The following PRDM16 variants were observed in gnomAD, a reference collection of about 807,000 sequenced individuals.
PRDM16 encodes the protein PR/SET domain 16.
In PRDM16, 23 loss-of-function variants were observed where a neutral mutation model predicts 110.6. The observed-to-expected ratio is 0.21, with a 90% CI of 0.15 to 0.29. The LOEUF (loss-of-function observed/expected upper bound fraction) is 0.29, where lower values mean the gene tolerates loss of function less well. Among genes scored for constraint, PRDM16 ranks in the 10% least tolerant of loss-of-function variants. PRDM16 has a pLI of 1.00. For synonymous variants in PRDM16, 799 were observed against 781.8 expected (o/e 1.02, Z -0.37); for missense variants, 1,615 against 1,794.3 (o/e 0.90, Z 1.81).
In PRDM16 at chr1:3,201,753, T is replaced by C. The variant is rs780510193; in HGVS notation, c.387+15279T>C. On this transcript the variant is annotated intron_variant, in intron 2 of 16. Transcript: ENST00000270722. This position sits in a 1 kb window ranked among gnomAD's most constrained non-coding sequence, Gnocchi z 4.1. ...CTTCAGCTGGAGCCGAGTAGGGTCG[T>C]GTCTGCCCCGCTTCCACGCGAGCCC... Among the ~76,000 whole-genome samples the C allele has an allele frequency of 2.0e-4, 31 of 152,238 alleles. No individual in the cohort carries two copies. Among genetic ancestry groups the C allele is most frequent in the Non-Finnish European group, 3.8e-4 (26 of 68,028 alleles).
rs1557675669 is a variant in PRDM16 at position 3,434,231 on chromosome 1, T to C, written c.*420T>C. On this transcript the variant is annotated 3_prime_UTR_variant, in exon 17 of 17. Coordinates refer to ENST00000270722, the MANE Select transcript of PRDM16 (RefSeq NM_022114.4). ...GAGATCACTCAAATGATTTTTATAA[T>C]GAAATGACAAGAATAACCCTTTTGG... 8.3e-6 allele frequency: 2 copies of C among 241,600 alleles called. No homozygotes were observed. Among genetic ancestry groups the C allele is most frequent in the Non-Finnish European group, 8.1e-6 (1 of 124,060 alleles). 15.0% of individuals were successfully genotyped at this position (241,600 alleles called of 1,614,324 possible).
chr1:3,242,894 C>G (rs574971319), intron 2 of PRDM16, among the ~76,000 whole-genome samples: 1 of 152,200 alleles, frequency 6.6e-6, no homozygotes, highest in Non-Finnish European at 1.5e-5. Flanking sequence ...TTTCCGTATA[C>G]TCGACCGTGC....
chr1:3,368,009 A>G (rs986637452), intron 3 of PRDM16, among the ~76,000 whole-genome samples: 11 of 152,254 alleles, frequency 7.2e-5, no homozygotes, highest in Non-Finnish European at 1.5e-5. Context: ...AGGAGGGGAC[A>G]GAGATGAAGG....
At chr1:3,304,756 G>GT (rs35799332) in intron 3 of PRDM16, among the ~76,000 whole-genome samples, 46,599 of 152,004 alleles carry the variant, frequency 0.31, 9,229 homozygotes, top group African/African-American at 0.57. Context: ...CCCTGCAGGG[G>GT]CCAATGCTCT....
intron 2 of PRDM16, among the ~76,000 whole-genome samples, chr1:3,234,632 C>T (rs1413278106): frequency 2.0e-5 from 3 of 152,232 alleles, no homozygotes; most frequent in Non-Finnish European, 4.4e-5. Context: ...CCGGGCCCCA[C>T]CGTGACTGTG....
chr1:3,173,282 G>C (rs944135873), intron 1 of PRDM16, among the ~76,000 whole-genome samples: 2 of 152,198 alleles, frequency 1.3e-5, no homozygotes, highest in Non-Finnish European at 2.9e-5. Context: ...AAACAAAGAG[G>C]CTTTTTACCC....
At chr1:3,100,312 G>A (rs1000262395) in intron 1 of PRDM16, among the ~76,000 whole-genome samples, 2 of 152,194 alleles carry the variant, frequency 1.3e-5, no homozygotes, top group African/African-American at 4.8e-5. Flanking sequence ...TTCATAAAAC[G>A]CAGAGTGACT....
intron 8 of PRDM16, among the ~76,000 whole-genome samples, chr1:3,408,513 T>TGC (rs1643599459): frequency 6.7e-6 from 1 of 150,352 alleles, no homozygotes; most frequent in South Asian, 2.1e-4. Context: ...CGTGCACCGG[T>TGC]GCGTGTGTGT....
chr1:3,070,780 C>T (rs1249378005), intron 1 of PRDM16, among the ~76,000 whole-genome samples: 1 of 152,292 alleles, frequency 6.6e-6, no homozygotes, highest in African/African-American at 2.4e-5. Flanking sequence ...GCCGTAGGCC[C>T]CGCGCTCTGT....
chr1:3,380,414 C>T (rs1643082219), intron 3 of PRDM16, among the ~76,000 whole-genome samples: 2 of 152,048 alleles, frequency 1.3e-5, no homozygotes, highest in African/African-American at 4.8e-5. Context: ...GGGGACCCGG[C>T]CTCCGGGGAC....
At chr1:3,402,386 A>G (rs772071432) in intron 5 of PRDM16, among the ~76,000 whole-genome samples, 14 of 152,384 alleles carry the variant, frequency 9.2e-5, no homozygotes, top group Non-Finnish European at 1.3e-4. Context: ...CTTGACGACA[A>G]TAATTTATTA....
intron 1 of PRDM16, among the ~76,000 whole-genome samples, chr1:3,147,527 G>A (rs112540077): frequency 0.03 from 4,551 of 152,208 alleles, 213 homozygotes; most frequent in African/African-American, 0.1. Context: ...TCTTCTCTTT[G>A]AGAAATGGGA....
chr1:3,199,889 C>T (rs1638575859), intron 2 of PRDM16, among the ~76,000 whole-genome samples: 1 of 152,208 alleles, frequency 6.6e-6, no homozygotes, highest in Non-Finnish European at 1.5e-5. Flanking sequence ...CCCTGCCCCT[C>T]AAGGGCTCCA....
At chr1:3,116,492 G>T (rs1203768060) in intron 1 of PRDM16, among the ~76,000 whole-genome samples, 1 of 152,096 alleles carries the variant, frequency 6.6e-6, no homozygotes, top group Non-Finnish European at 1.5e-5. Context: ...TTCCCAAGCC[G>T]CAGGTCCTGG....
rs1642462879 is a variant in PRDM16 at position 3,098,681 on chromosome 1, TTC to T, written c.37+29388_37+29389del. On this transcript the variant is annotated intron_variant, in intron 1 of 16. Transcript: ENST00000270722. ...CAGTTTCTCTGGGGGATAAAACTGC[TTC>T]TCCTGAGGTCTACACGGGGGTGCTG... Among the ~76,000 whole-genome samples, 5 of 151,374 alleles carry T rather than the reference TTC, an allele frequency of 3.3e-5. No homozygotes were observed. The South Asian group carries it at 1.0e-3, about 32-fold the overall frequency.
chr1:3,408,581 TGTGA>T (rs112393015), intron 8 of PRDM16, among the ~76,000 whole-genome samples: 7 of 132,712 alleles, frequency 5.3e-5, no homozygotes, highest in Middle Eastern at 4.1e-3. Flanking sequence ...TGTGAGAGCG[TGTGA>T]GTGTGGGTGT....
At position 3,390,172 on chromosome 1, in the gene PRDM16, G is replaced by T. The variant is rs563538236; in HGVS notation, c.573+4886G>T. 6.6e-6 allele frequency among the ~76,000 whole-genome samples: 1 copy of T among 152,338 alleles called. No homozygotes were observed. The highest frequency in any genetic ancestry group is 6.5e-5 in the Admixed American group (1 of 15,310). Reference sequence around the variant, plus strand: ...CGCCTGCGGGGGGATGCGGGAGGCAGGGAGGAGCTGTCACAGCCGGCGCTT... The same window carrying T: ...CGCCTGCGGGGGGATGCGGGAGGCATGGAGGAGCTGTCACAGCCGGCGCTT... On this transcript the variant is annotated intron_variant, in intron 4 of 16. Coordinates refer to ENST00000270722, the MANE Select transcript of PRDM16 (RefSeq NM_022114.4). The surrounding 1 kb of genome is among the most constrained non-coding windows in gnomAD (Gnocchi z 5.0).
At chr1:3,172,811 G>C (rs1226934988) in intron 1 of PRDM16, among the ~76,000 whole-genome samples, 1 of 152,220 alleles carries the variant, frequency 6.6e-6, no homozygotes, top group East Asian at 1.9e-4. Context: ...GAGTGTCTGT[G>C]GGGTAGACTT....
chr1:3,148,206 A>C lies in PRDM16; in HGVS notation c.38-37919A>C, dbSNP rs1404941213. Among the ~76,000 whole-genome samples the C allele has an allele frequency of 6.6e-6, 1 of 151,902 alleles. No homozygotes were observed. Among genetic ancestry groups the C allele is most frequent in the South Asian group, 2.1e-4 (1 of 4,810 alleles). On this transcript the variant is annotated intron_variant, in intron 1 of 16. Coordinates refer to ENST00000270722, the MANE Select transcript of PRDM16 (RefSeq NM_022114.4). The surrounding 1 kb of genome is among the most constrained non-coding windows in gnomAD (Gnocchi z 5.0). ...CCGGATGAGTGAAGAAGCTGGGTGC[A>C]ATCTCATGCCCTGGGTGCAATCTCA...
Sources: gnomAD v4.1 joint callset for allele counts (sites outside exome capture counted in the v4.1 genomes callset) on GRCh38, gnomAD v4.1.1 for gene constraint, Gnocchi (gnomAD v3.1) non-coding constraint, MANE v1.5 for transcripts, NCBI Gene and HGNC (gene_info 2026-07-23, HGNC 2026-07-21) for gene names.